PPP6R3: variants seen among roughly 807,000 people sequenced by gnomAD.
PPP6R3 encodes protein phosphatase 6 regulatory subunit 3, also known as serine/threonine-protein phosphatase 6 regulatory subunit 3.
Under a neutral mutation model 110.7 loss-of-function variants are expected in PPP6R3, and 38 were observed. That is an observed-to-expected ratio of 0.34 (90% CI 0.26 to 0.45). The LOEUF (loss-of-function observed/expected upper bound fraction) is 0.45. Among genes scored for constraint, PPP6R3 ranks in the 20% least tolerant of loss-of-function variants. The pLI, the probability that PPP6R3 is intolerant of heterozygous loss-of-function variation, is 1.00. For missense variants in PPP6R3, 870 were observed against 1,062.4 expected, an observed-to-expected ratio of 0.82 and a Z score of 2.52; for synonymous variants, 369 against 373.5, an observed-to-expected ratio of 0.99 and a Z score of 0.14.
At chr11:68,462,477 A>G (rs1352481799) in intron 1 of PPP6R3, among the ~76,000 whole-genome samples, 1 of 152,178 alleles carries the variant, frequency 6.6e-6, no homozygotes, top group Admixed American at 6.5e-5. Flanking sequence ...TTTGTTCCTC[A>G]TGTGCTTTTG....
At chr11:68,607,948 T>C (rs1941202249) in intron 22 of PPP6R3, among the ~76,000 whole-genome samples, 1 of 152,022 alleles carries the variant, frequency 6.6e-6, no homozygotes, top group Non-Finnish European at 1.5e-5. Flanking sequence ...TTAATTTTTT[T>C]GTTTGTTTAC....
rs1332887450 is a variant in PPP6R3 at position 68,475,409 on chromosome 11, A to G, written c.-158+14582A>G. On this transcript the variant is annotated intron_variant, in intron 1 of 23. Coordinates refer to ENST00000393800, the MANE Select transcript of PPP6R3 (RefSeq NM_001164161.2). ...AAAACCGCCATCGTCATCATGGCCC[A>G]TTCTCAATGAGCTGTTGGGTACACC... Among the ~76,000 whole-genome samples, 9 of 152,166 alleles carry G rather than the reference A, an allele frequency of 5.9e-5. No homozygotes were observed. In the East Asian group the frequency reaches 1.5e-3, roughly 26 times the overall value.
intron 5 of PPP6R3, among the ~76,000 whole-genome samples, chr11:68,550,159 C>G (rs149995223): frequency 6.6e-6 from 1 of 152,152 alleles, no homozygotes; most frequent in Admixed American, 6.5e-5. Flanking sequence ...ACAAGATTCT[C>G]GGAGAATTTG....
intron 9 of PPP6R3, 60 bp downstream of exon 9, chr11:68,564,492 G>C (rs1166343109): frequency 3.7e-5 from 58 of 1,574,840 alleles, no homozygotes; most frequent in Non-Finnish European, 4.6e-5. Context: ...ACAGTCATTC[G>C]AATGTGTACG....
Position 68,564,083 on chromosome 11 carries a change from T to G in PPP6R3, c.846-220T>G, listed in dbSNP as rs541958744. ...AGAATGGGAAGAAATCACATGTAAT[T>G]TCTTACCTGATACTGTAGCTGTTTG... On this transcript the variant is annotated intron_variant, in intron 8 of 23. Transcript: ENST00000393800. Among the ~76,000 whole-genome samples the G allele has an allele frequency of 1.4e-4, 22 of 152,276 alleles. No homozygotes were observed. The East Asian group carries it at 2.1e-3, about 15-fold the overall frequency.
At chr11:68,595,609 G>T (rs533048170) in intron 18 of PPP6R3, among the ~76,000 whole-genome samples, 2 of 152,236 alleles carry the variant, frequency 1.3e-5, no homozygotes, top group African/African-American at 4.8e-5. Context: ...GACAAACCAT[G>T]CACTGGGAGA....
chr11:68,478,647 G>GTTT (rs769296530), intron 1 of PPP6R3, among the ~76,000 whole-genome samples: 1,296 of 50,344 alleles, frequency 0.026, 415 homozygotes, highest in Middle Eastern at 0.091. Flanking sequence ...CACTTGGTAA[G>GTTT]TTTTTTTTTT....
At chr11:68,587,228 T>C (rs2099581644) in intron 15 of PPP6R3, 1 of 142,830 alleles carries the variant, frequency 7.0e-6, no homozygotes, top group Non-Finnish European at 1.5e-5. Context: ...TGGTACTCTC[T>C]AGATTTGGTG....
At chr11:68,574,897 A>G (rs1020547306) in intron 13 of PPP6R3, among the ~76,000 whole-genome samples, 17 of 152,300 alleles carry the variant, frequency 1.1e-4, no homozygotes, top group African/African-American at 4.1e-4. Flanking sequence ...AGTCTTTAAC[A>G]TCCATGGTAC....
intron 19 of PPP6R3, among the ~76,000 whole-genome samples, chr11:68,597,004 G>A (rs1301110349): frequency 6.6e-6 from 1 of 152,228 alleles, no homozygotes; most frequent in African/African-American, 2.4e-5. Context: ...GAAGAAGAGA[G>A]ATCTTCTTTC....
rs113129165 is a variant in PPP6R3, at chr11:68,479,439, A to T, written c.-158+18612A>T. Among the ~76,000 whole-genome samples, 628 of 152,288 alleles carry T rather than the reference A, an allele frequency of 4.1e-3. 2 individuals are homozygous for T. Among genetic ancestry groups the T allele is most frequent in the African/African-American group, 0.014 (601 of 41,554 alleles). ...ATTTCTGATTTTGGATTGTTTGATG[A>T]GGGACGCTCAACCTATACTTTTATA... On this transcript the variant is annotated intron_variant, in intron 1 of 23. Transcript: ENST00000393800.
chr11:68,613,748 A>C lies in PPP6R3; in HGVS notation c.*631A>C. The C allele has an allele frequency of 1.0e-6, 1 of 952,952 alleles. No individual in the cohort carries two copies. The highest frequency in any genetic ancestry group is 4.8e-5 in the South Asian group (1 of 20,844). The allele number at this position is 952,952 out of a possible 1,614,324, so 59.0% of individuals were successfully genotyped here. ...CAAAAATGTAAGTCTATTGGTAGAG[A>C]TTAAGTAAAGTATTTATTGCTACAT... On this transcript the variant is annotated 3_prime_UTR_variant, in exon 24 of 24. Coordinates refer to ENST00000393800, the MANE Select transcript of PPP6R3 (RefSeq NM_001164161.2).
Position 68,613,337 on chromosome 11 carries a change from T to C in PPP6R3, c.*220T>C. 1 of 1,333,642 alleles carries C rather than the reference T, an allele frequency of 7.5e-7. No individual in the cohort carries two copies. Among genetic ancestry groups the C allele is most frequent in the Non-Finnish European group, 9.6e-7 (1 of 1,043,926 alleles). 82.6% of individuals were successfully genotyped at this position (1,333,642 alleles called of 1,614,324 possible). A position where few individuals can be genotyped will look rare whatever the true frequency, so the allele number is the denominator to read the frequency against. Reference sequence around the variant, plus strand: ...CAAATACCAAGAATTTTTGCGTATGTTTATATTGTATTGTTCTAAATAATG... The same window carrying C: ...CAAATACCAAGAATTTTTGCGTATGCTTATATTGTATTGTTCTAAATAATG... On this transcript the variant is annotated 3_prime_UTR_variant, in exon 24 of 24. Coordinates refer to ENST00000393800, the MANE Select transcript of PPP6R3 (RefSeq NM_001164161.2).
chr11:68,495,205 C>A (rs935803709), intron 1 of PPP6R3, among the ~76,000 whole-genome samples: 2 of 152,116 alleles, frequency 1.3e-5, no homozygotes, highest in African/African-American at 2.4e-5. Context: ...ATATAACTTA[C>A]AATACAAGAT....
intron 7 of PPP6R3, among the ~76,000 whole-genome samples, chr11:68,556,385 C>A (rs1338567789): frequency 6.6e-6 from 1 of 152,032 alleles, no homozygotes; most frequent in Non-Finnish European, 1.5e-5. Context: ...TATTTAGTGA[C>A]TGGAAATTTT....
At chr11:68,499,266 T>C (rs546566738) in intron 1 of PPP6R3, among the ~76,000 whole-genome samples, 3 of 152,162 alleles carry the variant, frequency 2.0e-5, no homozygotes, top group African/African-American at 7.2e-5. Flanking sequence ...CTGGCTTGGG[T>C]GTGATTAGCC....
At chr11:68,494,819 C>T (rs1432211860) in intron 1 of PPP6R3, among the ~76,000 whole-genome samples, 2 of 152,140 alleles carry the variant, frequency 1.3e-5, no homozygotes, top group Non-Finnish European at 2.9e-5. Context: ...GGCCCCCCAG[C>T]CCCATTATTG....
chr11:68,464,533 G>A (rs567393268), intron 1 of PPP6R3, among the ~76,000 whole-genome samples: 4 of 152,238 alleles, frequency 2.6e-5, no homozygotes, highest in East Asian at 1.9e-4. Flanking sequence ...GTGAGTTAAG[G>A]GTTCCTTTCG....
At chr11:68,505,732 T>C (rs1396731901) in intron 1 of PPP6R3, among the ~76,000 whole-genome samples, 2 of 152,224 alleles carry the variant, frequency 1.3e-5, no homozygotes, top group African/African-American at 4.8e-5. Flanking sequence ...CTCCTTTGCC[T>C]TCCTAGCCAT....
Sources: allele counts gnomAD v4.1 joint callset (sites outside exome capture counted in the v4.1 genomes callset), GRCh38; gene constraint gnomAD v4.1.1; transcripts MANE v1.5; gene names NCBI Gene and HGNC (gene_info 2026-07-23, HGNC 2026-07-21).